Variants in OTUD7A observed in about 807,000 individuals in gnomAD.
OTUD7A encodes OTU domain-containing protein 7A.
A neutral mutation model predicts 65.7 loss-of-function variants in OTUD7A; 12 were observed. That is an observed-to-expected ratio of 0.18 (90% CI 0.12 to 0.30). The LOEUF is 0.30. OTUD7A is among the 10% of genes least tolerant of loss of function. The probability of loss-of-function intolerance (pLI) is 1.00; values close to 1 mark genes in which losing one functional copy is unlikely to be tolerated. For missense variants in OTUD7A, 1,148 were observed against 1,304.8 expected (o/e 0.88, Z 1.85); for synonymous variants, 641 against 586.3 (o/e 1.09, Z -1.35).
chr15:31,777,819 G>A (rs1468507056), intron 1 of OTUD7A, among the ~76,000 whole-genome samples: 1 of 152,222 alleles, frequency 6.6e-6, no homozygotes, highest in Non-Finnish European at 1.5e-5. Flanking sequence ...TGTGCAAAGA[G>A]GCTGAAGGCA....
intron 1 of OTUD7A, among the ~76,000 whole-genome samples, chr15:31,731,015 C>A (rs1894027158): frequency 6.6e-6 from 1 of 152,178 alleles, no homozygotes; most frequent in South Asian, 2.1e-4. Flanking sequence ...ATCCAAGGTC[C>A]TCTCTTCTCC....
chr15:31,489,171 G>C (rs1299593064), intron 10 of OTUD7A, among the ~76,000 whole-genome samples: 31 of 152,176 alleles, frequency 2.0e-4, no homozygotes, highest in Admixed American at 1.9e-3. Context: ...CATGGGGCAG[G>C]GGGTGGCACA....
chr15:31,817,743 C>A (rs889338009), intron 1 of OTUD7A, among the ~76,000 whole-genome samples: 5 of 152,192 alleles, frequency 3.3e-5, no homozygotes, highest in Admixed American at 6.5e-5. Flanking sequence ...ACCACCCATG[C>A]CCTTGGCCTG....
intron 1 of OTUD7A, among the ~76,000 whole-genome samples, chr15:31,722,575 T>C (rs908897140): frequency 1.3e-5 from 2 of 152,188 alleles, no homozygotes; most frequent in Non-Finnish European, 2.9e-5. Flanking sequence ...GAGACGAGGT[T>C]CATCACAGAA....
At chr15:31,766,697 C>T (rs1168067990) in intron 1 of OTUD7A, 5 of 1,608,172 alleles carry the variant, frequency 3.1e-6, no homozygotes, top group Non-Finnish European at 4.3e-6. Flanking sequence ...TTACACAACT[C>T]CTCTTGGTCT....
At chr15:31,849,208 T>C (rs1471178479) in intron 1 of OTUD7A, among the ~76,000 whole-genome samples, 3 of 152,144 alleles carry the variant, frequency 2.0e-5, no homozygotes, top group African/African-American at 7.2e-5. Context: ...AACAGAGATA[T>C]AGACCAATGG....
At chr15:31,671,470 T>C (rs1374965934) in intron 1 of OTUD7A, among the ~76,000 whole-genome samples, 1 of 152,242 alleles carries the variant, frequency 6.6e-6, no homozygotes, top group Admixed American at 6.5e-5. Flanking sequence ...TCTGTAGCCT[T>C]GTAGTATAGT....
intron 3 of OTUD7A, among the ~76,000 whole-genome samples, chr15:31,611,194 C>G (rs984341497): frequency 3.3e-5 from 5 of 152,022 alleles, no homozygotes; most frequent in Non-Finnish European, 7.4e-5. Context: ...ACGCCTACAT[C>G]AAAAAGACTG....
intron 1 of OTUD7A, among the ~76,000 whole-genome samples, chr15:31,693,574 C>T (rs566857641): frequency 0.013 from 2,046 of 152,032 alleles, 34 homozygotes; most frequent in African/African-American, 0.048. Flanking sequence ...TGATGCCAGG[C>T]AGACACACCC....
In OTUD7A at chr15:31,765,962, A is replaced by G. The variant is rs184301853; in HGVS notation, c.-100+104545T>C. 4,876 of 1,394,538 alleles carry G rather than the reference A, an allele frequency of 3.5e-3. 15 individuals carry two copies. Among genetic ancestry groups the G allele is most frequent in the Non-Finnish European group, 4.5e-3 (4,423 of 983,002 alleles). 86.4% of individuals were successfully genotyped at this position (1,394,538 alleles called of 1,614,324 possible). On this transcript the variant is annotated intron_variant, in intron 1 of 12. Transcript: ENST00000307050. Reference sequence around the variant, plus strand: ...TATTTTCTAAAAGTTCTGCAATTGCAGCTTGAGAGGTAGAAATTTTTTGCT... The same window carrying G: ...TATTTTCTAAAAGTTCTGCAATTGCGGCTTGAGAGGTAGAAATTTTTTGCT...
At chr15:31,661,350 G>T (rs889334245) in intron 1 of OTUD7A, among the ~76,000 whole-genome samples, 1 of 152,164 alleles carries the variant, frequency 6.6e-6, no homozygotes, top group Non-Finnish European at 1.5e-5. Context: ...ACTGACAGGA[G>T]AAAGTGGGGC....
At chr15:31,818,373 C>G (rs969072126) in intron 1 of OTUD7A, among the ~76,000 whole-genome samples, 4 of 152,156 alleles carry the variant, frequency 2.6e-5, no homozygotes, top group African/African-American at 2.4e-5. Flanking sequence ...ATGTTCATTG[C>G]ATCTCTCTTT....
At chr15:31,620,453 T>C (rs564432859) in intron 3 of OTUD7A, among the ~76,000 whole-genome samples, 5 of 152,132 alleles carry the variant, frequency 3.3e-5, no homozygotes, top group African/African-American at 7.2e-5. Context: ...GAGACTGTTA[T>C]TGGTCTATTC....
chr15:31,828,400 T>C (rs1446962355), intron 1 of OTUD7A, among the ~76,000 whole-genome samples: 2 of 152,228 alleles, frequency 1.3e-5, no homozygotes, highest in Non-Finnish European at 2.9e-5. Context: ...TTACATCGTG[T>C]AATGTTTAAA....
At chr15:31,580,947 C>T (rs1467172074) in intron 3 of OTUD7A, among the ~76,000 whole-genome samples, 4 of 152,172 alleles carry the variant, frequency 2.6e-5, no homozygotes, top group African/African-American at 9.7e-5. Flanking sequence ...AGTCTTAACT[C>T]ATTTTAGCAT....
intron 3 of OTUD7A, among the ~76,000 whole-genome samples, chr15:31,626,433 CTTTTGCATG>C (rs1890954139): frequency 6.6e-6 from 1 of 152,032 alleles, no homozygotes; most frequent in Non-Finnish European, 1.5e-5. Context: ...ATTCTTTCAT[CTTTTGCATG>C]TTTGAAAAAT....
chr15:31,854,988 G>A (rs1382032533), intron 1 of OTUD7A, among the ~76,000 whole-genome samples: 1 of 152,082 alleles, frequency 6.6e-6, no homozygotes, highest in East Asian at 1.9e-4. Flanking sequence ...ATAAGCAAAT[G>A]AAATGGAGAA....
chr15:31,729,237 C>A (rs929170379), intron 1 of OTUD7A, among the ~76,000 whole-genome samples: 2 of 152,266 alleles, frequency 1.3e-5, no homozygotes, highest in East Asian at 3.9e-4. Context: ...GTATTCTCCA[C>A]GTATGGGGGT....
At chr15:31,491,512 G>A (rs539880479) in intron 10 of OTUD7A, among the ~76,000 whole-genome samples, 1 of 152,336 alleles carries the variant, frequency 6.6e-6, no homozygotes, top group East Asian at 1.9e-4. Context: ...TCTAAGAGCT[G>A]TGTGACAATA....
Sources: allele counts gnomAD v4.1 joint callset (sites outside exome capture counted in the v4.1 genomes callset), GRCh38; gene constraint gnomAD v4.1.1; transcripts MANE v1.5; gene names NCBI Gene and HGNC (gene_info 2026-07-23, HGNC 2026-07-21).